Variants in KLK14 observed in about 807,000 individuals in gnomAD.
KLK14 encodes kallikrein related peptidase 14.
In KLK14, 21 loss-of-function variants were observed where a neutral mutation model predicts 24.6. The observed-to-expected ratio is 0.85, with a 90% confidence interval of 0.61 to 1.23. The LOEUF is 1.23. Among genes scored for constraint, KLK14 ranks in the 50% most tolerant of loss-of-function variants. KLK14 has a pLI of 0.00. For synonymous variants in KLK14, 133 were observed against 139.7 expected (o/e 0.95, Z 0.34); for missense variants, 320 against 338.9 (o/e 0.94, Z 0.44).
intron 3 of KLK14, 127 bp from the exon 4 acceptor site, chr19:51,079,829 C>T (rs2091828621): frequency 3.6e-6 from 5 of 1,395,600 alleles, no homozygotes; most frequent in Non-Finnish European, 1.9e-6. Context: ...TCACTAACTG[C>T]AGGCCGAGCA....
chr19:51,077,938 A>T lies in KLK14; in HGVS notation c.*69T>A. The T allele has an allele frequency of 1.3e-6, 2 of 1,571,158 alleles. No individual in the cohort carries two copies. Among genetic ancestry groups the T allele is most frequent in the Non-Finnish European group, 1.7e-6 (2 of 1,153,766 alleles). On this transcript the variant is annotated 3_prime_UTR_variant, in exon 6 of 6. Transcript: ENST00000650543. ...TGAGGGAGGAGGGGCTGGGGCCTGG[A>T]CTCCTGGGTCCTGAGTAGAGAGAGG...
At chr19:51,080,736 C>T (rs1318952559) in intron 3 of KLK14, among the ~76,000 whole-genome samples, 1 of 152,062 alleles carries the variant, frequency 6.6e-6, no homozygotes, top group East Asian at 1.9e-4. Context: ...TGCAATGGTG[C>T]GATCTTGACT....
intron 3 of KLK14, 103 bp from the exon 4 acceptor site, chr19:51,079,805 G>A (rs2091828528): frequency 1.4e-6 from 2 of 1,453,122 alleles, no homozygotes; most frequent in Non-Finnish European, 1.8e-6. Flanking sequence ...CTTCCCCGAG[G>A]TCTAGCCTGC....
intron 3 of KLK14, among the ~76,000 whole-genome samples, chr19:51,081,073 C>T (rs2091836315): frequency 6.6e-6 from 1 of 152,242 alleles, no homozygotes; most frequent in Non-Finnish European, 1.5e-5. Flanking sequence ...CAGGTTTTGC[C>T]TCTATTCTTA....
At position 51,078,883 on chromosome 19, in the gene KLK14, A is replaced by C; in HGVS notation, c.535T>G (p.Tyr179Asp). ...ATGCCAGGCGTGATGGTTCTAGGAT[A>C]GGCCTTCTGGCACACCTCATCCGGG... ...ISPDEVCQKAYPRTITPGMVC... is the reference protein window; with the variant it reads ...ISPDEVCQKADPRTITPGMVC... Residue 179 changes from tyrosine (Y) to aspartate (D), a missense_variant, in exon 5 of 6, where the codon TAT (tyrosine) becomes GAT (aspartate). Transcript: ENST00000650543. This position sits in a 1 kb window ranked among gnomAD's most constrained non-coding sequence, Gnocchi z 5.0. The C allele has an allele frequency of 6.2e-7, 1 of 1,614,100 alleles. No homozygotes were observed. Among genetic ancestry groups the C allele is most frequent in the Non-Finnish European group, 8.5e-7 (1 of 1,179,970 alleles).
At chr19:51,081,371 C>T (rs772522242) in intron 3 of KLK14, among the ~76,000 whole-genome samples, 161 bp downstream of exon 3, 6 of 132,632 alleles carry the variant, frequency 4.5e-5, no homozygotes, top group Admixed American at 2.1e-4. Flanking sequence ...GAGGAGCCCA[C>T]ATCCCGAGCT....
intron 3 of KLK14, among the ~76,000 whole-genome samples, chr19:51,080,129 G>A (rs981818498): frequency 6.6e-6 from 1 of 152,200 alleles, no homozygotes; most frequent in Non-Finnish European, 1.5e-5. Flanking sequence ...TTGACTCTAT[G>A]CTAAGATCAG....
chr19:51,081,732 A>C lies in KLK14; in HGVS notation c.41-29T>G, dbSNP rs75407284. The C allele has an allele frequency of 0.013, 18,981 of 1,480,554 alleles. 2,180 individuals are homozygous for C. The African/African-American group carries it at 0.24, about 19-fold the overall frequency. The allele number at this position is 1,480,554 out of a possible 1,614,324, so 91.7% of individuals were successfully genotyped here. A position where few individuals can be genotyped will look rare whatever the true frequency, so the allele number is the denominator to read the frequency against. On this transcript the variant is annotated intron_variant, in intron 2 of 5. Coordinates refer to ENST00000650543, the MANE Select transcript of KLK14 (RefSeq NM_001369775.2). ...GGAGTGGACAGGATTGGGTGGGGAAAGTAGATGAGCAAACACTCTCCACTC... is the reference window on the plus strand; with the variant it reads ...GGAGTGGACAGGATTGGGTGGGGAACGTAGATGAGCAAACACTCTCCACTC...
At position 51,078,162 on chromosome 19, in the gene KLK14, G is replaced by C. The variant is rs769609771; in HGVS notation, c.604-3C>G. Reference sequence around the variant, plus strand: ...ACCAGGGGTCCCCCAGAGTCACCCTGAGGGGGAGGAACAGAAATGGAGACA... The same window carrying C: ...ACCAGGGGTCCCCCAGAGTCACCCTCAGGGGGAGGAACAGAAATGGAGACA... On this transcript the variant is annotated splice_polypyrimidine_tract_variant and splice_region_variant and intron_variant, in intron 5 of 5. Coordinates refer to ENST00000650543, the MANE Select transcript of KLK14 (RefSeq NM_001369775.2). This position sits in a 1 kb window ranked among gnomAD's most constrained non-coding sequence, Gnocchi z 5.0. 28 of 1,612,954 alleles carry C rather than the reference G, an allele frequency of 1.7e-5. No homozygotes were observed. Among genetic ancestry groups the C allele is most frequent in the Admixed American group, 5.0e-5 (3 of 59,884 alleles).
chr19:51,078,532 G>A lies in KLK14; in HGVS notation c.603+283C>T, dbSNP rs2091817336. 6.6e-6 allele frequency among the ~76,000 whole-genome samples: 1 copy of A among 152,110 alleles called. No homozygotes were observed. The highest frequency in any genetic ancestry group is 6.6e-5 in the Admixed American group (1 of 15,266). On this transcript the variant is annotated intron_variant, in intron 5 of 5. Coordinates refer to ENST00000650543, the MANE Select transcript of KLK14 (RefSeq NM_001369775.2). The surrounding 1 kb of genome is among the most constrained non-coding windows in gnomAD (Gnocchi z 5.0). The stretch of plus-strand genomic sequence containing the variant: ...CCTTTCCCAGACCCATATGAGCAGA[G>A]GCCACTCTGCGATCTTTCCCCAACC...
rs1332634918 is a variant in KLK14, at chr19:51,078,866, C to A, written c.552G>T (p.Thr184=). The A allele has an allele frequency of 2.5e-6, 4 of 1,614,064 alleles. No homozygotes were observed. The highest frequency in any genetic ancestry group is 3.4e-6 in the Non-Finnish European group (4 of 1,179,954). ...VCQKAYPRTI[T]PGMVCAGVPQ... ...GAACTCCTGCACAGACCATGCCAGG[C>A]GTGATGGTTCTAGGATAGGCCTTCT... Residue 184 remains threonine (T), a synonymous_variant, in exon 5 of 6, where the codon ACG becomes ACT. Transcript: ENST00000650543. The surrounding 1 kb of genome is among the most constrained non-coding windows in gnomAD (Gnocchi z 5.0).
intron 3 of KLK14, among the ~76,000 whole-genome samples, chr19:51,080,102 C>T (rs1317566867): frequency 6.6e-6 from 1 of 152,224 alleles, no homozygotes; most frequent in Non-Finnish European, 1.5e-5. Flanking sequence ...GTTCTGAGTT[C>T]TAGACATCTT....
chr19:51,080,315 C>A (rs1385162974), intron 3 of KLK14, among the ~76,000 whole-genome samples: 1 of 152,134 alleles, frequency 6.6e-6, no homozygotes, highest in Non-Finnish European at 1.5e-5. Context: ...GCTGGGATTA[C>A]AGGCGTGAGC....
At chr19:51,083,089 C>T (rs536388606), upstream of KLK14, among the ~76,000 whole-genome samples, 9 of 151,612 alleles carry the variant, frequency 5.9e-5, no homozygotes, top group South Asian at 1.9e-3. Flanking sequence ...AGGGAAGATG[C>T]TATAATCTAG....
upstream of KLK14, among the ~76,000 whole-genome samples, chr19:51,083,706 G>A (rs370618177): frequency 6.6e-6 from 1 of 151,754 alleles, no homozygotes; most frequent in Non-Finnish European, 1.5e-5. Context: ...ACACAGAGAC[G>A]CAGGGAGAGA....
At chr19:51,080,452 G>A (rs1001305422) in intron 3 of KLK14, among the ~76,000 whole-genome samples, 4 of 152,174 alleles carry the variant, frequency 2.6e-5, no homozygotes, top group Non-Finnish European at 4.4e-5. Flanking sequence ...GTTATGGCCC[G>A]GATCCAAGAT....
At position 51,078,675 on chromosome 19, in the gene KLK14, G is replaced by A; in HGVS notation, c.603+140C>T. ...AGGGGGCACAGGGCTAGGAAGCAGGGTGGCCTGGCTATCGGAATCTCTCTG... is the reference window on the plus strand; with the variant it reads ...AGGGGGCACAGGGCTAGGAAGCAGGATGGCCTGGCTATCGGAATCTCTCTG... On this transcript the variant is annotated intron_variant, in intron 5 of 5. Transcript: ENST00000650543. This position sits in a 1 kb window ranked among gnomAD's most constrained non-coding sequence, Gnocchi z 5.0. 1 of 1,114,236 alleles carries A rather than the reference G, an allele frequency of 9.0e-7. No homozygotes were observed. Among genetic ancestry groups the A allele is most frequent in the Non-Finnish European group, 1.3e-6 (1 of 779,568 alleles). 69.0% of individuals were successfully genotyped at this position (1,114,236 alleles called of 1,614,324 possible).
At position 51,078,242 on chromosome 19, in the gene KLK14, C is replaced by T. The variant is rs2122744645; in HGVS notation, c.604-83G>A. 2.1e-6 allele frequency: 3 copies of T among 1,415,012 alleles called. No homozygotes were observed. The East Asian group carries it at 7.2e-5, about 34-fold the overall frequency. The allele number at this position is 1,415,012 out of a possible 1,614,324, so 87.7% of individuals were successfully genotyped here. ...GCACAGAGAACCCGAGAAGCAGACA[C>T]AGGGAGACAGGCAGAGACACTGGTG... On this transcript the variant is annotated intron_variant, in intron 5 of 5. Transcript: ENST00000650543. The surrounding 1 kb of genome is among the most constrained non-coding windows in gnomAD (Gnocchi z 5.0).
chr19:51,082,744 A>T lies in KLK14; in HGVS notation c.-45T>A. On this transcript the variant is annotated 5_prime_UTR_variant, in exon 1 of 6. Transcript: ENST00000650543. ...TACCCAGAGCCCAAGACCCTCAGGG[A>T]CATGAAGACACAGCAGAGAGGTAGG... 1.9e-6 allele frequency: 3 copies of T among 1,613,788 alleles called. No individual in the cohort carries two copies. Among genetic ancestry groups the T allele is most frequent in the Non-Finnish European group, 1.7e-6 (2 of 1,179,910 alleles).
Sources: allele counts gnomAD v4.1 joint callset (sites outside exome capture counted in the v4.1 genomes callset), GRCh38; gene constraint gnomAD v4.1.1; non-coding constraint Gnocchi (gnomAD v3.1); transcripts MANE v1.5; gene names NCBI Gene and HGNC (gene_info 2026-07-23, HGNC 2026-07-21).